CHRM2: variants seen among roughly 807,000 people sequenced by gnomAD.
CHRM2 encodes muscarinic acetylcholine receptor M2.
CHRM2 carries 8 observed loss-of-function variants against 25.0 expected under a neutral mutation model. The ratio of observed to expected loss-of-function variants is 0.32; its 90% CI spans 0.19 to 0.58. CHRM2 has a LOEUF of 0.58. Ranked by LOEUF, CHRM2 falls within the 20% of genes least tolerant of loss-of-function variation. The probability of loss-of-function intolerance (pLI) is 0.88; values close to 1 mark genes in which losing one functional copy is unlikely to be tolerated. For missense variants in CHRM2, 440 were observed against 567.1 expected (o/e 0.78, Z 2.28); for synonymous variants, 202 against 205.7 (o/e 0.98, Z 0.15).
intron 2 of CHRM2, among the ~76,000 whole-genome samples, chr7:136,965,606 A>T (rs536556861): frequency 6.6e-6 from 1 of 152,190 alleles, no homozygotes; most frequent in Admixed American, 6.5e-5. Flanking sequence ...AATAAATGAC[A>T]CTGTAATTAA....
At chr7:136,894,408 G>T (rs1007829496) in intron 2 of CHRM2, among the ~76,000 whole-genome samples, 1 of 152,106 alleles carries the variant, frequency 6.6e-6, no homozygotes, top group Non-Finnish European at 1.5e-5. Context: ...GTCTCGCTTT[G>T]TTACCCAGGC....
At chr7:136,925,521 A>C (rs1253444260) in intron 2 of CHRM2, among the ~76,000 whole-genome samples, 1 of 150,782 alleles carries the variant, frequency 6.6e-6, no homozygotes, top group Non-Finnish European at 1.5e-5. Flanking sequence ...AACAAAGAAC[A>C]ATGTAAAACT....
chr7:136,887,854 A>T (rs1002207962), intron 2 of CHRM2, among the ~76,000 whole-genome samples: 7 of 152,064 alleles, frequency 4.6e-5, no homozygotes, highest in African/African-American at 1.4e-4. Context: ...ATGTGTCCCC[A>T]TTTTACATTT....
At chr7:136,979,549 G>A (rs1011390981) in intron 2 of CHRM2, among the ~76,000 whole-genome samples, 1 of 152,138 alleles carries the variant, frequency 6.6e-6, no homozygotes, top group African/African-American at 2.4e-5. Flanking sequence ...GTATTGCCTA[G>A]GTTTTCTTCT....
intron 3 of CHRM2, among the ~76,000 whole-genome samples, chr7:137,003,999 G>A (rs982378354): frequency 6.6e-6 from 1 of 152,084 alleles, no homozygotes; most frequent in Non-Finnish European, 1.5e-5. Flanking sequence ...CCAGTCCTGT[G>A]AAACTGTGGG....
At chr7:136,994,465 T>G (rs1006099326) in intron 3 of CHRM2, among the ~76,000 whole-genome samples, 1 of 151,888 alleles carries the variant, frequency 6.6e-6, no homozygotes, top group Non-Finnish European at 1.5e-5. Flanking sequence ...AGAGAGGTAC[T>G]TATTTGGTTA....
intron 2 of CHRM2, among the ~76,000 whole-genome samples, chr7:136,893,143 C>A (rs1294811483): frequency 6.6e-6 from 1 of 152,104 alleles, no homozygotes; most frequent in African/African-American, 2.4e-5. Flanking sequence ...AAGTTGCCAG[C>A]AGACTTCTGG....
intron 2 of CHRM2, among the ~76,000 whole-genome samples, chr7:136,988,864 C>T (rs1803031403): frequency 6.6e-6 from 1 of 151,676 alleles, no homozygotes; most frequent in Admixed American, 6.6e-5. Flanking sequence ...AATAAATATG[C>T]CTATACATAT....
At chr7:136,895,332 T>A (rs1238838331) in intron 2 of CHRM2, among the ~76,000 whole-genome samples, 3 of 152,156 alleles carry the variant, frequency 2.0e-5, no homozygotes, top group African/African-American at 7.2e-5. Flanking sequence ...TAAAATAAAA[T>A]GTAATTTGAA....
At position 136,868,714 on chromosome 7, in the gene CHRM2, C is replaced by G. The variant is rs926869485; in HGVS notation, c.-561C>G. ...ACGCTCTCCTGCTGTACTAAAGGCG[C>G]CAGGGCGCAAAGACCTAGGGAGCGC... On this transcript the variant is annotated 5_prime_UTR_variant, in exon 1 of 4. Coordinates refer to ENST00000680005, the MANE Select transcript of CHRM2 (RefSeq NM_001006630.2). 6.6e-6 allele frequency: 1 copy of G among 152,336 alleles called. No individual in the cohort carries two copies. The highest frequency in any genetic ancestry group is 1.5e-5 in the Non-Finnish European group (1 of 68,390). The allele number at this position is 152,336 out of a possible 1,614,324, so 9.4% of individuals were successfully genotyped here.
chr7:136,896,483 A>G (rs2130588159), intron 2 of CHRM2, among the ~76,000 whole-genome samples: 1 of 152,284 alleles, frequency 6.6e-6, no homozygotes, highest in Non-Finnish European at 1.5e-5. Flanking sequence ...CTGGATGATC[A>G]TTGACTAAAT....
At chr7:136,980,387 A>T (rs183509875) in intron 2 of CHRM2, among the ~76,000 whole-genome samples, 1 of 152,338 alleles carries the variant, frequency 6.6e-6, no homozygotes, top group African/African-American at 2.4e-5. Context: ...TGTCATCTGC[A>T]AACAAATATA....
rs1193580819 is a variant in CHRM2 at position 136,870,258 on chromosome 7, A to C, written c.-125+840A>C. 6 of 150,632 alleles carry C rather than the reference A, an allele frequency of 4.0e-5. No homozygotes were observed. The East Asian group carries it at 1.2e-3, about 30-fold the overall frequency. 9.3% of individuals were successfully genotyped at this position (150,632 alleles called of 1,614,324 possible). ...GACCGCTGCACCCCTCCCCGCCCGCAATGTCCCTTGGAGTCCGCACCTGAG... is the reference window on the plus strand; with the variant it reads ...GACCGCTGCACCCCTCCCCGCCCGCCATGTCCCTTGGAGTCCGCACCTGAG... On this transcript the variant is annotated intron_variant, in intron 2 of 3. Coordinates refer to ENST00000680005, the MANE Select transcript of CHRM2 (RefSeq NM_001006630.2).
At chr7:136,898,371 G>T (rs1244252849) in intron 2 of CHRM2, among the ~76,000 whole-genome samples, 3 of 152,026 alleles carry the variant, frequency 2.0e-5, no homozygotes, top group Non-Finnish European at 4.4e-5. Flanking sequence ...ACTAGCAGAA[G>T]AAATTGTTTA....
At chr7:136,941,353 T>A (rs1263848751) in intron 2 of CHRM2, among the ~76,000 whole-genome samples, 4 of 152,108 alleles carry the variant, frequency 2.6e-5, no homozygotes, top group Non-Finnish European at 5.9e-5. Context: ...TCCCATCCCA[T>A]CAATATCAAA....
chr7:136,983,417 C>T (rs1802621135), intron 2 of CHRM2, among the ~76,000 whole-genome samples: 2 of 150,864 alleles, frequency 1.3e-5, no homozygotes, highest in South Asian at 4.1e-4. Context: ...TACCCACCTT[C>T]TGAGGTCTAC....
intron 2 of CHRM2, among the ~76,000 whole-genome samples, chr7:136,912,574 C>T (rs1266843469): frequency 6.6e-6 from 1 of 151,770 alleles, no homozygotes; most frequent in Non-Finnish European, 1.5e-5. Context: ...ATGTAAAAGG[C>T]CTCCTCTTTC....
chr7:136,983,152 T>G (rs561721804), intron 2 of CHRM2, among the ~76,000 whole-genome samples: 2 of 152,314 alleles, frequency 1.3e-5, no homozygotes, highest in South Asian at 4.1e-4. Flanking sequence ...TTTCATTCTT[T>G]TTACTCTAAT....
At chr7:136,984,465 C>T (rs111582773) in intron 2 of CHRM2, among the ~76,000 whole-genome samples, 6 of 151,588 alleles carry the variant, frequency 4.0e-5, no homozygotes, top group South Asian at 2.1e-4. Flanking sequence ...GTCTCGCTGG[C>T]GTTCCAGGCA....
Sources: gnomAD v4.1 joint callset for allele counts (sites outside exome capture counted in the v4.1 genomes callset) on GRCh38, gnomAD v4.1.1 for gene constraint, MANE v1.5 for transcripts, NCBI Gene and HGNC (gene_info 2026-07-23, HGNC 2026-07-21) for gene names.